The following NAV1 variants were observed in gnomAD, a reference collection of about 807,000 sequenced individuals.
NAV1 encodes pore membrane and/or filament interacting like protein 3.
A neutral mutation model predicts 175.2 loss-of-function variants in NAV1; 18 were observed. That is an observed-to-expected ratio of 0.10 (90% CI 0.07 to 0.15). The LOEUF is 0.15. Among genes scored for constraint, NAV1 ranks in the 10% least tolerant of loss-of-function variants. The probability of loss-of-function intolerance (pLI) is 1.00; values close to 1 mark genes in which losing one functional copy is unlikely to be tolerated. For synonymous variants in NAV1, 897 were observed against 978.7 expected, an observed-to-expected ratio of 0.92 and a Z score of 1.56; for missense variants, 1,731 against 2,436.6, an observed-to-expected ratio of 0.71 and a Z score of 6.10.
In NAV1 at chr1:201,567,414, C is replaced by T. The variant is rs552549125; in HGVS notation, c.-143-21125C>T. Among the ~76,000 whole-genome samples, 24 of 152,322 alleles carry T rather than the reference C, an allele frequency of 1.6e-4. No homozygotes were observed. In the South Asian group the frequency reaches 2.5e-3, roughly 16 times the overall value. ...GAGCTGGGCCACTGGGTGAAGTGCT[C>T]AAGAGGCTTGAGAGCTGCACTGGGA... On this transcript the variant is annotated intron_variant, in intron 1 of 33. Coordinates refer to the NAV1 transcript ENST00000685211.
chr1:201,622,882 A>G, upstream of NAV1: 1 of 986,018 alleles, frequency 1.0e-6, no homozygotes, highest in Non-Finnish European at 1.2e-6. Flanking sequence ...AGCCTTGCAG[A>G]CCATGAATGG....
At chr1:201,562,753 C>T (rs560629439) in intron 1 of NAV1, among the ~76,000 whole-genome samples, 341 of 152,128 alleles carry the variant, frequency 2.2e-3, no homozygotes, top group African/African-American at 4.0e-3. Context: ...TACTTCTAGG[C>T]GGTTGGTGCT....
upstream of NAV1, among the ~76,000 whole-genome samples, chr1:201,619,511 A>C (rs1668097994): frequency 6.6e-6 from 1 of 152,234 alleles, no homozygotes; most frequent in Admixed American, 6.5e-5. Flanking sequence ...TTTGGTCCTC[A>C]TTTTGCAGAC....
At position 201,800,854 on chromosome 1, in the gene NAV1, G is replaced by A. The variant is rs1377011970; in HGVS notation, c.3518-2739G>A. On this transcript the variant is annotated intron_variant, in intron 15 of 29. Coordinates refer to ENST00000367296, the Ensembl canonical transcript of NAV1. ...TTTTTTTTTTTTTAGACAGGGTCTC[G>A]CTCTCATTCTGTTGCCCTGGATGGA... Among the ~76,000 whole-genome samples the A allele has an allele frequency of 5.4e-5, 6 of 110,840 alleles. No individual in the cohort carries two copies. In the South Asian group the frequency reaches 1.5e-3, roughly 27 times the overall value. 72.7% of individuals were successfully genotyped at this position (110,840 alleles called of 152,430 possible). A position where few individuals can be genotyped will look rare whatever the true frequency, so the allele number is the denominator to read the frequency against.
At chr1:201,644,330 C>A (rs371658948), upstream of NAV1, among the ~76,000 whole-genome samples, 2 of 152,150 alleles carry the variant, frequency 1.3e-5, no homozygotes, top group Non-Finnish European at 2.9e-5. Context: ...AGGAATCACT[C>A]GAGGAACCAT....
At chr1:201,741,265 C>T (rs952322095) in intron 3 of NAV1, among the ~76,000 whole-genome samples, 11 of 152,302 alleles carry the variant, frequency 7.2e-5, no homozygotes, top group African/African-American at 2.6e-4. Flanking sequence ...CCCTTGGAAG[C>T]CAGAGGCCCG....
intron 1 of NAV1, among the ~76,000 whole-genome samples, chr1:201,568,468 G>A (rs535323180): frequency 3.9e-5 from 6 of 152,090 alleles, no homozygotes; most frequent in South Asian, 2.1e-4. Context: ...TTGGGTGGTG[G>A]TATGTCTGGC....
chr1:201,569,893 G>A (rs1161485281), intron 1 of NAV1, among the ~76,000 whole-genome samples: 1 of 152,188 alleles, frequency 6.6e-6, no homozygotes, highest in Non-Finnish European at 1.5e-5. Context: ...GTGTGTGATC[G>A]TTGACAAGTC....
intron 3 of NAV1, among the ~76,000 whole-genome samples, chr1:201,761,644 A>G (rs75124988): frequency 0.017 from 2,620 of 152,332 alleles, 84 homozygotes; most frequent in African/African-American, 0.06. Flanking sequence ...TATACGTTCT[A>G]TATCACTTCT....
intron 1 of NAV1, among the ~76,000 whole-genome samples, chr1:201,587,958 G>A (rs1391316296): frequency 1.3e-5 from 2 of 152,216 alleles, no homozygotes; most frequent in African/African-American, 4.8e-5. Context: ...CTCAGAGATT[G>A]TTAGTGGAAA....
chr1:201,721,135 C>A (rs942935823), intron 3 of NAV1, among the ~76,000 whole-genome samples: 4 of 151,860 alleles, frequency 2.6e-5, no homozygotes, highest in African/African-American at 7.3e-5. Flanking sequence ...CAGCCCCCAG[C>A]TGTAAGCCTT....
intron 2 of NAV1, among the ~76,000 whole-genome samples, chr1:201,631,387 C>G (rs1668476125): frequency 6.6e-6 from 1 of 152,234 alleles, no homozygotes; most frequent in South Asian, 2.1e-4. Context: ...CTCTCACTCC[C>G]AAAGTCACTT....
chr1:201,572,741 G>A lies in NAV1; in HGVS notation c.-143-15798G>A, dbSNP rs577911775. Among the ~76,000 whole-genome samples, 4 of 152,230 alleles carry A rather than the reference G, an allele frequency of 2.6e-5. No homozygotes were observed. In the East Asian group the frequency reaches 7.7e-4, roughly 29 times the overall value. On this transcript the variant is annotated intron_variant, in intron 1 of 33. Coordinates refer to the NAV1 transcript ENST00000685211. ...GGAATGACTGTCTTATACCTTACCAGCAAGTCATCACAAGACTCAAAGGAG... is the reference window on the plus strand; with the variant it reads ...GGAATGACTGTCTTATACCTTACCAACAAGTCATCACAAGACTCAAAGGAG...
intron 1 of NAV1, among the ~76,000 whole-genome samples, chr1:201,576,545 A>C (rs1666694866): frequency 6.6e-6 from 1 of 151,928 alleles, no homozygotes; most frequent in Admixed American, 6.6e-5. Context: ...GTTCAAGACC[A>C]GTCTGGGCAA....
intron 2 of NAV1, among the ~76,000 whole-genome samples, chr1:201,714,424 G>A (rs1672050174): frequency 1.3e-5 from 2 of 152,174 alleles, no homozygotes; most frequent in Non-Finnish European, 2.9e-5. Flanking sequence ...GACATCTCGA[G>A]TATTTTAAAT....
At chr1:201,601,018 TCA>T (rs1667496812) in intron 2 of NAV1, among the ~76,000 whole-genome samples, 1 of 152,204 alleles carries the variant, frequency 6.6e-6, no homozygotes, top group Non-Finnish European at 1.5e-5. Context: ...TGGCTTCTGG[TCA>T]GAGACAGACT....
intron 15 of NAV1, among the ~76,000 whole-genome samples, chr1:201,801,998 G>A (rs1677903443): frequency 6.7e-6 from 1 of 150,346 alleles, no homozygotes; most frequent in African/African-American, 2.4e-5. Flanking sequence ...TTAGCCGGGC[G>A]TAGTGGCGGG....
exon 29 of NAV1, chr1:201,817,114 G>A (rs756474352): frequency 2.5e-6 from 4 of 1,614,112 alleles, no homozygotes; most frequent in East Asian, 2.2e-5. Context: ...CTGCTTGGGA[G>A]GACCCAGTGG....
intron 3 of NAV1, among the ~76,000 whole-genome samples, chr1:201,735,889 T>C (rs935848775): frequency 8.5e-5 from 13 of 152,174 alleles, no homozygotes; most frequent in Non-Finnish European, 1.0e-4. Context: ...TAATTCCCCA[T>C]TGATCCTGCC....
Sources: allele counts gnomAD v4.1 joint callset (sites outside exome capture counted in the v4.1 genomes callset), GRCh38; gene constraint gnomAD v4.1.1; transcripts MANE v1.5; gene names NCBI Gene and HGNC (gene_info 2026-07-23, HGNC 2026-07-21).